The following GPAT4 variants were observed in gnomAD, a reference collection of about 807,000 sequenced individuals.
GPAT4 encodes glycerol-3-phosphate acyltransferase 4.
A neutral mutation model predicts 58.0 loss-of-function variants in GPAT4; 17 were observed. That is an observed-to-expected ratio of 0.29 (90% confidence interval 0.20 to 0.44). The LOEUF (loss-of-function observed/expected upper bound fraction) is 0.44. GPAT4 is among the 20% of genes least tolerant of loss of function. The probability of loss-of-function intolerance (pLI) is 1.00; values close to 1 mark genes in which losing one functional copy is unlikely to be tolerated. For missense variants in GPAT4, 377 were observed against 574.5 expected (o/e 0.66, Z 3.51); for synonymous variants, 204 against 210.1 (o/e 0.97, Z 0.25).
intron 2 of GPAT4, among the ~76,000 whole-genome samples, chr8:41,601,645 A>C (rs1249917646): frequency 6.6e-6 from 1 of 152,212 alleles, no homozygotes; most frequent in Non-Finnish European, 1.5e-5. Context: ...ATGAGCCTAG[A>C]GTTCTCTTGT....
chr8:41,615,614 C>T (rs564709608), intron 10 of GPAT4, among the ~76,000 whole-genome samples: 3 of 152,292 alleles, frequency 2.0e-5, no homozygotes, highest in Admixed American at 6.5e-5. Context: ...CCTTCAGACA[C>T]CCAGAGCTAT....
chr8:41,588,407 G>A (rs757303837), intron 1 of GPAT4, among the ~76,000 whole-genome samples: 4 of 152,072 alleles, frequency 2.6e-5, no homozygotes, highest in African/African-American at 4.8e-5. Flanking sequence ...CTTGTGATTG[G>A]GAGAGAATTG....
chr8:41,621,102 G>T lies in GPAT4; in HGVS notation c.*101G>T. 2 of 1,459,122 alleles carry T rather than the reference G, an allele frequency of 1.4e-6. No individual in the cohort carries two copies. Among genetic ancestry groups the T allele is most frequent in the South Asian group, 2.7e-5 (2 of 75,196 alleles). The allele number at this position is 1,459,122 out of a possible 1,614,324, so 90.4% of individuals were successfully genotyped here. A position where few individuals can be genotyped will look rare whatever the true frequency, so the allele number is the denominator to read the frequency against. On this transcript the variant is annotated 3_prime_UTR_variant, in exon 13 of 13. Coordinates refer to ENST00000396987, the MANE Select transcript of GPAT4 (RefSeq NM_178819.4). ...ACTGCTGTGTCCTTTCCAGACTCCA[G>T]GGCTCCCCGGGCTGCTCTGGATCCC...
At chr8:41,614,911 T>G in intron 9 of GPAT4, 52 bp from the exon 10 acceptor site, 1 of 1,471,606 alleles carries the variant, frequency 6.8e-7, no homozygotes, top group Non-Finnish European at 9.5e-7. Context: ...ACGCCTAATA[T>G]CTGGGGTAAA....
chr8:41,608,287 A>G (rs1803339407), intron 2 of GPAT4, among the ~76,000 whole-genome samples: 1 of 152,384 alleles, frequency 6.6e-6, no homozygotes, highest in Admixed American at 6.5e-5. Flanking sequence ...CTTTGCCAGC[A>G]GAACCCGCAC....
At chr8:41,581,088 A>C (rs1802497319) in intron 1 of GPAT4, among the ~76,000 whole-genome samples, 1 of 152,188 alleles carries the variant, frequency 6.6e-6, no homozygotes, top group African/African-American at 2.4e-5. Flanking sequence ...TTTACTTCCT[A>C]CTGTGTCATT....
chr8:41,578,327 G>C (rs996143221), intron 1 of GPAT4, 49 bp downstream of exon 1: 1 of 151,850 alleles, frequency 6.6e-6, no homozygotes, highest in African/African-American at 2.4e-5. Context: ...CGACCTCCGG[G>C]GAGCCGAGAG....
Position 41,612,706 on chromosome 8 carries a change from G to C in GPAT4, c.796-139G>C, listed in dbSNP as rs565049770. 6.0e-6 allele frequency: 4 copies of C among 670,596 alleles called. No individual in the cohort carries two copies. The South Asian group carries it at 6.1e-5, about 10-fold the overall frequency. 41.5% of individuals were successfully genotyped at this position (670,596 alleles called of 1,614,324 possible). A position where few individuals can be genotyped will look rare whatever the true frequency, so the allele number is the denominator to read the frequency against. ...TGGGGAGTCTTGGTAGTGGTTTCTT[G>C]GCAGTGAGCAACCTTCAGCCGGCAA... On this transcript the variant is annotated intron_variant, in intron 7 of 12. Coordinates refer to ENST00000396987, the MANE Select transcript of GPAT4 (RefSeq NM_178819.4).
At chr8:41,602,501 G>A (rs867411141) in intron 2 of GPAT4, among the ~76,000 whole-genome samples, 10 of 152,026 alleles carry the variant, frequency 6.6e-5, no homozygotes, top group Non-Finnish European at 8.8e-5. Context: ...GGGGTGCTCC[G>A]GAAGAGTGCT....
intron 10 of GPAT4, among the ~76,000 whole-genome samples, chr8:41,617,056 A>G (rs1803614735): frequency 1.3e-5 from 2 of 152,196 alleles, no homozygotes; most frequent in Admixed American, 1.3e-4. Context: ...TGTCCATATC[A>G]GGCTTTATAA....
chr8:41,589,310 T>C (rs1802730784), intron 1 of GPAT4, among the ~76,000 whole-genome samples: 1 of 150,162 alleles, frequency 6.7e-6, no homozygotes. Context: ...TTTGGTGTTC[T>C]CTGTCCTGGA....
In GPAT4 at chr8:41,619,048, G is replaced by C. The variant is rs564945535; in HGVS notation, c.1262+71G>C. Reference sequence around the variant, plus strand: ...GCTGTGTCATTGACTTCACTTACATGTCATTCCCCGTGGTGTGGAGAATTA... The same window carrying C: ...GCTGTGTCATTGACTTCACTTACATCTCATTCCCCGTGGTGTGGAGAATTA... On this transcript the variant is annotated intron_variant, in intron 12 of 12. Coordinates refer to ENST00000396987, the MANE Select transcript of GPAT4 (RefSeq NM_178819.4). 44 of 1,541,946 alleles carry C rather than the reference G, an allele frequency of 2.9e-5. 1 individual carries two copies. The South Asian group carries it at 4.5e-4, about 16-fold the overall frequency.
chr8:41,581,109 A>G (rs1559741), intron 1 of GPAT4, among the ~76,000 whole-genome samples: 84,770 of 151,734 alleles, frequency 0.56, 24,338 homozygotes, highest in Middle Eastern at 0.71. Flanking sequence ...GTGCTCATGG[A>G]GAGAACTTGA....
Position 41,592,127 on chromosome 8 carries a change from G to T in GPAT4, c.-848-6165G>T, listed in dbSNP as rs373540303. ...TTCCTATAGCTATGCTTCTTTTTTT[G>T]CAGGAAGCATAGACAGGGAAGCCCA... On this transcript the variant is annotated intron_variant, in intron 1 of 12. Transcript: ENST00000396987. Among the ~76,000 whole-genome samples the T allele has an allele frequency of 2.9e-4, 44 of 152,032 alleles. 1 individual carries two copies. The highest frequency in any genetic ancestry group is 1.0e-3 in the African/African-American group (42 of 41,458).
At chr8:41,615,451 T>TAGG (rs1803570240) in intron 10 of GPAT4, among the ~76,000 whole-genome samples, 1 of 71,576 alleles carries the variant, frequency 1.4e-5, no homozygotes, top group Non-Finnish European at 2.8e-5. Flanking sequence ...CCATGAGGAT[T>TAGG]GGGGGGGGGG....
chr8:41,595,751 CCTCT>C (rs764701442), intron 1 of GPAT4, among the ~76,000 whole-genome samples: 1 of 151,984 alleles, frequency 6.6e-6, no homozygotes, highest in East Asian at 1.9e-4. Context: ...TCTGCCTCTT[CCTCT>C]CTCTCTGCCT....
At chr8:41,603,620 G>C (rs865937580) in intron 2 of GPAT4, among the ~76,000 whole-genome samples, 3 of 151,512 alleles carry the variant, frequency 2.0e-5, no homozygotes, top group Middle Eastern at 3.2e-3. Flanking sequence ...AGGGTATTCT[G>C]ATGTCCCAAG....
At chr8:41,619,050 C>A in intron 12 of GPAT4, 73 bp downstream of exon 12, 2 of 1,539,438 alleles carry the variant, frequency 1.3e-6, no homozygotes, top group South Asian at 2.3e-5. Flanking sequence ...ACTTACATGT[C>A]ATTCCCCGTG....
At chr8:41,591,780 A>G (rs1360585205) in intron 1 of GPAT4, among the ~76,000 whole-genome samples, 2 of 152,256 alleles carry the variant, frequency 1.3e-5, no homozygotes, top group African/African-American at 2.4e-5. Flanking sequence ...TGTGTCTTCA[A>G]CTACTGGCCC....
Sources: gnomAD v4.1 joint callset for allele counts (sites outside exome capture counted in the v4.1 genomes callset) on GRCh38, gnomAD v4.1.1 for gene constraint, MANE v1.5 for transcripts, NCBI Gene and HGNC (gene_info 2026-07-23, HGNC 2026-07-21) for gene names.